The following DSE variants were observed in gnomAD, a reference collection of about 807,000 sequenced individuals.
DSE encodes the protein dermatan-sulfate epimerase.
In DSE, 36 loss-of-function variants were observed where a neutral mutation model predicts 84.4. The observed-to-expected ratio is 0.43, with a 90% CI of 0.33 to 0.56. DSE has a LOEUF of 0.56. DSE is among the 20% of genes least tolerant of loss of function. The pLI is 0.06. For synonymous variants in DSE, 410 were observed against 430.1 expected, an observed-to-expected ratio of 0.95 and a Z score of 0.58; for missense variants, 862 against 1,169.6, an observed-to-expected ratio of 0.74 and a Z score of 3.84.
At chr6:116,360,318 C>T (rs58283060) in intron 2 of DSE, among the ~76,000 whole-genome samples, 2,821 of 152,172 alleles carry the variant, frequency 0.019, 35 homozygotes, top group African/African-American at 0.034. Flanking sequence ...CAAAACACAT[C>T]CTGCACATGT....
At chr6:116,372,551 A>G (rs1284469779) in intron 1 of DSE, among the ~76,000 whole-genome samples, 2 of 152,180 alleles carry the variant, frequency 1.3e-5, no homozygotes, top group Admixed American at 6.5e-5. Flanking sequence ...ACTAAATGGG[A>G]TCACAAAAAA....
In DSE at chr6:116,348,259, C is replaced by G. The variant is rs1778107865; in HGVS notation, c.-53-50939C>G. Among the ~76,000 whole-genome samples the G allele has an allele frequency of 3.3e-5, 5 of 151,978 alleles. No homozygotes were observed. In the South Asian group the frequency reaches 1.0e-3, roughly 32 times the overall value. ...TGGCTAACACGGTGAAACCCCGTGTCTACTAAAAATTAAAAAAATTAGCCA... is the reference window on the plus strand; with the variant it reads ...TGGCTAACACGGTGAAACCCCGTGTGTACTAAAAATTAAAAAAATTAGCCA... On this transcript the variant is annotated intron_variant, in intron 2 of 3. Coordinates refer to the DSE transcript ENST00000430252.
At position 116,438,140 on chromosome 6, in the gene DSE, AAG is replaced by A. The variant is rs1784298617; in HGVS notation, c.*797_*798del. On this transcript the variant is annotated 3_prime_UTR_variant, in exon 6 of 6. Transcript: ENST00000644252. ...ACCCAATAACAACTAAACCTTTCAA[AAG>A]AAAATATTTTCTATTATGAATGTTG... 1 of 152,544 alleles carries A rather than the reference AAG, an allele frequency of 6.6e-6. No individual in the cohort carries two copies. The highest frequency in any genetic ancestry group is 1.5e-5 in the Non-Finnish European group (1 of 67,992). 9.4% of individuals were successfully genotyped at this position (152,544 alleles called of 1,614,324 possible).
chr6:116,393,842 C>T (rs1157667219), intron 1 of DSE, among the ~76,000 whole-genome samples: 4 of 152,168 alleles, frequency 2.6e-5, no homozygotes, highest in Non-Finnish European at 5.9e-5. Context: ...TTTTCTGAAG[C>T]CTGTGGAATT....
intron 2 of DSE, chr6:116,400,704 A>G (rs2114998066): frequency 6.6e-6 from 1 of 152,294 alleles, no homozygotes; most frequent in African/African-American, 2.4e-5. Context: ...TGAAGTTTAT[A>G]ATATTGTAGG....
At chr6:116,296,088 G>C (rs1289736545) in intron 2 of DSE, among the ~76,000 whole-genome samples, 1 of 151,974 alleles carries the variant, frequency 6.6e-6, no homozygotes, top group East Asian at 1.9e-4. Flanking sequence ...GCTGTCCCTT[G>C]GTATCCAGGG....
Position 116,437,109 on chromosome 6 carries a change from G to A in DSE, c.2641G>A (p.Gly881Arg). ...KNGGLIKGRF[G>R]QARMVTTTHS... ...TGGGGGCTTGATTAAAGGCCGGTTTGGACAGGCACGGATGGTGACAACTAC... is the reference window on the plus strand; with the variant it reads ...TGGGGGCTTGATTAAAGGCCGGTTTAGACAGGCACGGATGGTGACAACTAC... Residue 881 changes from glycine (G) to arginine (R), a missense_variant, in exon 6 of 6, where the codon GGA (glycine) becomes AGA (arginine). By Grantham distance (125) the Gly-to-Arg change is moderately radical (BLOSUM62 -2). Coordinates refer to ENST00000644252, the MANE Select transcript of DSE (RefSeq NM_013352.4). 6.2e-7 allele frequency: 1 copy of A among 1,614,136 alleles called. No homozygotes were observed. The highest frequency in any genetic ancestry group is 8.5e-7 in the Non-Finnish European group (1 of 1,180,018).
At chr6:116,395,184 G>A (rs1781162463) in intron 1 of DSE, among the ~76,000 whole-genome samples, 2 of 151,662 alleles carry the variant, frequency 1.3e-5, no homozygotes. Flanking sequence ...CCAGCACTTT[G>A]GGAGGCCGAG....
At chr6:116,374,778 G>T (rs999556768) in intron 1 of DSE, among the ~76,000 whole-genome samples, 2 of 151,992 alleles carry the variant, frequency 1.3e-5, no homozygotes, top group Middle Eastern at 3.2e-3. Flanking sequence ...TCATTCCCGT[G>T]ATTACCCATG....
rs1784288998 is a variant in DSE at position 116,438,053 on chromosome 6, G to A, written c.*708G>A. The A allele has an allele frequency of 7.1e-6, 1 of 140,612 alleles. No homozygotes were observed. Among genetic ancestry groups the A allele is most frequent in the African/African-American group, 2.7e-5 (1 of 36,882 alleles). 8.7% of individuals were successfully genotyped at this position (140,612 alleles called of 1,614,324 possible). A position where few individuals can be genotyped will look rare whatever the true frequency, so the allele number is the denominator to read the frequency against. ...GGTTACTTGCATGCATTCATTGGTT[G>A]TTCAATAAGTGAGATGATTACAGAT... On this transcript the variant is annotated 3_prime_UTR_variant, in exon 6 of 6. Coordinates refer to ENST00000644252, the MANE Select transcript of DSE (RefSeq NM_013352.4).
At chr6:116,337,969 A>G (rs1416372671) in intron 2 of DSE, among the ~76,000 whole-genome samples, 1 of 152,124 alleles carries the variant, frequency 6.6e-6, no homozygotes, top group African/African-American at 2.4e-5. Flanking sequence ...ATTTGGTATG[A>G]TTATGAAGAC....
intron 1 of DSE, among the ~76,000 whole-genome samples, chr6:116,381,771 A>T (rs1458325947): frequency 3.3e-5 from 5 of 152,154 alleles, no homozygotes; most frequent in Admixed American, 2.6e-4. Context: ...GAAATGAGAA[A>T]ATTCTAGAGC....
At chr6:116,259,229 A>G in intron 2 of DSE, 2 of 610,434 alleles carry the variant, frequency 3.3e-6, no homozygotes, top group Admixed American at 5.8e-5. Flanking sequence ...AAGGAAAGTA[A>G]TTTTTAAAAT....
intron 2 of DSE, among the ~76,000 whole-genome samples, chr6:116,410,378 G>A (rs1782241332): frequency 6.6e-6 from 1 of 152,020 alleles, no homozygotes; most frequent in African/African-American, 2.4e-5. Context: ...TCATCCAAAT[G>A]TGCATCTCTA....
intron 2 of DSE, among the ~76,000 whole-genome samples, chr6:116,319,060 A>C (rs1776151897): frequency 6.6e-6 from 1 of 152,214 alleles, no homozygotes; most frequent in South Asian, 2.1e-4. Flanking sequence ...AACTCTCTTC[A>C]GTTCTAAGAT....
At chr6:116,343,897 T>C (rs775887522) in intron 2 of DSE, among the ~76,000 whole-genome samples, 2 of 152,134 alleles carry the variant, frequency 1.3e-5, no homozygotes, top group Non-Finnish European at 2.9e-5. Context: ...GAAAAAAGAT[T>C]AGATGAGTGG....
rs1274143912 is a variant in DSE, at chr6:116,437,175, T to C, written c.2707T>C (p.Leu903=). ...ATCACTGTCTGCTTCCTATACCAGG[T>C]TGTTCCTGATTCTGAACATTGCTAT... is the stretch of plus-strand genomic sequence containing the variant. ...APSLSASYTR[L]FLILNIAIFF... is the part of the protein sequence containing the mutation. Residue 903 remains leucine, a synonymous_variant, in exon 6 of 6, where the codon TTG becomes CTG. Coordinates refer to ENST00000644252, the MANE Select transcript of DSE (RefSeq NM_013352.4). 3 of 1,614,152 alleles carry C rather than the reference T, an allele frequency of 1.9e-6. No individual in the cohort carries two copies. Among genetic ancestry groups the C allele is most frequent in the South Asian group, 1.1e-5 (1 of 91,084 alleles).
intron 1 of DSE, among the ~76,000 whole-genome samples, chr6:116,386,268 A>T (rs911067305): frequency 6.6e-6 from 1 of 152,236 alleles, no homozygotes; most frequent in African/African-American, 2.4e-5. Flanking sequence ...AGCTACTCAT[A>T]ATTCTAACAG....
rs1333270012 is a variant in DSE, at chr6:116,392,981, A to G, written c.-53-6217A>G. ...CCAGACCCTGTACTGAGGTTAACCT[A>G]TCCGCCTTGCAGTGGCAGCAGGTGT... is the stretch of plus-strand genomic sequence containing the variant. On this transcript the variant is annotated intron_variant, in intron 1 of 5. Coordinates refer to ENST00000644252, the MANE Select transcript of DSE (RefSeq NM_013352.4). Among the ~76,000 whole-genome samples the G allele has an allele frequency of 2.6e-5, 4 of 152,194 alleles. No homozygotes were observed. In the East Asian group the frequency reaches 5.8e-4, roughly 22 times the overall value.
Sources: allele counts gnomAD v4.1 joint callset (sites outside exome capture counted in the v4.1 genomes callset), GRCh38; gene constraint gnomAD v4.1.1; transcripts MANE v1.5; gene names NCBI Gene and HGNC (gene_info 2026-07-23, HGNC 2026-07-21).